PDE6C: variants seen among roughly 807,000 people sequenced by gnomAD.
PDE6C encodes cone cGMP-specific 3',5'-cyclic phosphodiesterase subunit alpha'.
In PDE6C, 75 loss-of-function variants were observed where a neutral mutation model predicts 113.1. That is an observed-to-expected ratio of 0.66 (90% CI 0.55 to 0.80). The LOEUF (loss-of-function observed/expected upper bound fraction) is 0.80. PDE6C is among the 30% of genes least tolerant of loss of function. PDE6C has a pLI of 0.00. For missense variants in PDE6C, 912 were observed against 1,038.6 expected (o/e 0.88, Z 1.67); for synonymous variants, 375 against 363.7 (o/e 1.03, Z -0.35).
chr10:93,655,698 T>C (rs1260488987), intron 15 of PDE6C, 62 bp from the exon 16 acceptor site: 7 of 808,218 alleles, frequency 8.7e-6, no homozygotes, highest in Middle Eastern at 2.7e-4. Flanking sequence ...TTGTTAAGCA[T>C]AGTTTCATTT....
rs1309692852 is a variant in PDE6C at position 93,612,569 on chromosome 10, G to A, written c.-157G>A. On this transcript the variant is annotated 5_prime_UTR_variant, in exon 1 of 22. Coordinates refer to ENST00000371447, the MANE Select transcript of PDE6C (RefSeq NM_006204.4). ...CCCAAGAGTTACAGGCAGTTTGAAA[G>A]CTCTGCTTTCTGCTTGACCTTTGGA... The A allele has an allele frequency of 3.1e-6, 3 of 974,180 alleles. No homozygotes were observed. Among genetic ancestry groups the A allele is most frequent in the Non-Finnish European group, 4.8e-6 (3 of 627,176 alleles). The allele number at this position is 974,180 out of a possible 1,614,324, so 60.3% of individuals were successfully genotyped here.
chr10:93,664,689 A>T (rs1446952395), intron 21 of PDE6C, among the ~76,000 whole-genome samples: 1 of 152,146 alleles, frequency 6.6e-6, no homozygotes, highest in Non-Finnish European at 1.5e-5. Context: ...TTGCACAAAA[A>T]TTTACTTCTG....
At chr10:93,634,965 C>T (rs2058520964) in intron 9 of PDE6C, 58 bp downstream of exon 9, 30 of 1,554,512 alleles carry the variant, frequency 1.9e-5, no homozygotes, top group Non-Finnish European at 2.6e-5. Context: ...AGAGAGGGCA[C>T]GTAATTATTT....
intron 8 of PDE6C, among the ~76,000 whole-genome samples, chr10:93,633,915 G>T (rs748690918): frequency 5.9e-5 from 9 of 152,198 alleles, no homozygotes; most frequent in Non-Finnish European, 1.2e-4. Context: ...ACAGACACTT[G>T]GTTCTAGTTC....
chr10:93,639,281 ACT>A (rs1273342304), intron 11 of PDE6C, among the ~76,000 whole-genome samples: 5 of 152,120 alleles, frequency 3.3e-5, no homozygotes, highest in South Asian at 4.1e-4. Context: ...CACTGGCCAT[ACT>A]CTCTGATTAT....
intron 20 of PDE6C, 80 bp downstream of exon 20, chr10:93,662,723 A>G: frequency 1.3e-6 from 1 of 781,216 alleles, no homozygotes. Context: ...CAAAATTTAG[A>G]AGTCACCCAT....
chr10:93,618,354 G>A (rs922015635), intron 1 of PDE6C, among the ~76,000 whole-genome samples: 32 of 152,066 alleles, frequency 2.1e-4, no homozygotes, highest in African/African-American at 7.7e-4. Flanking sequence ...CTAGGCAGTA[G>A]ATGGAAGCAT....
At chr10:93,663,494 C>G (rs1374567457) in intron 21 of PDE6C, among the ~76,000 whole-genome samples, 1 of 152,174 alleles carries the variant, frequency 6.6e-6, no homozygotes, top group African/African-American at 2.4e-5. Flanking sequence ...ACTACAGAAT[C>G]TGGGGGATTA....
In PDE6C at chr10:93,662,583, A is replaced by G. The variant is rs747669814; in HGVS notation, c.2307A>G (p.Arg769=). ...AGCCTATGATGGACAGAAACAAAAG[A>G]GATGAATTACCTAAACTTCAAGTTG... ...QPIPMMDRNK[R]DELPKLQVGF... is the part of the protein sequence containing the mutation. Residue 769 remains arginine (R), a synonymous_variant, in exon 20 of 22, where the codon AGA becomes AGG. Transcript: ENST00000371447. 1.0e-5 allele frequency: 15 copies of G among 1,507,254 alleles called. No individual in the cohort carries two copies. The highest frequency in any genetic ancestry group is 1.4e-5 in the Non-Finnish European group (15 of 1,082,754). 93.4% of individuals were successfully genotyped at this position (1,507,254 alleles called of 1,614,324 possible).
chr10:93,630,881 A>G (rs1202871193), intron 8 of PDE6C, among the ~76,000 whole-genome samples: 1 of 152,130 alleles, frequency 6.6e-6, no homozygotes. Context: ...CCTCCTTGCA[A>G]TTGAAGCTTA....
At chr10:93,643,867 G>GT (rs565337038) in intron 14 of PDE6C, among the ~76,000 whole-genome samples, 37 of 152,046 alleles carry the variant, frequency 2.4e-4, no homozygotes, top group African/African-American at 8.0e-4. Context: ...AATATAAAGT[G>GT]TTTTTTAAAA....
At chr10:93,642,781 C>T (rs1440939406) in intron 14 of PDE6C, among the ~76,000 whole-genome samples, 1 of 152,200 alleles carries the variant, frequency 6.6e-6, no homozygotes, top group African/African-American at 2.4e-5. Flanking sequence ...GCAGGTTTCA[C>T]ATATATAATT....
chr10:93,646,114 T>C, intron 15 of PDE6C, 67 bp downstream of exon 15: 3 of 952,942 alleles, frequency 3.1e-6, no homozygotes, highest in Non-Finnish European at 3.4e-6. Context: ...CCACAGAAAA[T>C]GCTTGGAAAA....
intron 4 of PDE6C, 51 bp from the exon 5 acceptor site, chr10:93,625,524 G>T: frequency 8.9e-7 from 1 of 1,127,036 alleles, no homozygotes; most frequent in Non-Finnish European, 1.4e-6. Flanking sequence ...ATAAGATATG[G>T]TAGGTCATGG....
chr10:93,621,794 T>C, intron 3 of PDE6C, 138 bp from the exon 4 acceptor site: 1 of 764,568 alleles, frequency 1.3e-6, no homozygotes, highest in Non-Finnish European at 2.2e-6. Context: ...GATGTACACA[T>C]GTTCAAAATC....
At chr10:93,663,217 A>G (rs2058674702) in intron 21 of PDE6C, 39 bp downstream of exon 21, 2 of 1,600,918 alleles carry the variant, frequency 1.2e-6, no homozygotes, top group South Asian at 2.2e-5. Flanking sequence ...TAATGTAGCC[A>G]GAAGCTAGGC....
intron 7 of PDE6C, among the ~76,000 whole-genome samples, chr10:93,628,702 A>T (rs189345809): frequency 0.03 from 4,037 of 134,146 alleles, 68 homozygotes; most frequent in Middle Eastern, 0.087. Flanking sequence ...GAAAACTTAA[A>T]ATGACCCAAA....
chr10:93,651,788 T>A (rs1317963837), intron 15 of PDE6C, among the ~76,000 whole-genome samples: 1 of 152,220 alleles, frequency 6.6e-6, no homozygotes, highest in Non-Finnish European at 1.5e-5. Context: ...GTCTTTGGTC[T>A]AGGAGATTGA....
At chr10:93,663,695 A>C (rs1037660024) in intron 21 of PDE6C, among the ~76,000 whole-genome samples, 8 of 150,650 alleles carry the variant, frequency 5.3e-5, no homozygotes, top group African/African-American at 2.0e-4. Context: ...TCTCATTGGG[A>C]GATGTTTTTC....
Sources: gnomAD v4.1 joint callset for allele counts (sites outside exome capture counted in the v4.1 genomes callset) on GRCh38, gnomAD v4.1.1 for gene constraint, MANE v1.5 for transcripts, NCBI Gene and HGNC (gene_info 2026-07-23, HGNC 2026-07-21) for gene names.